Variants in FAM168B observed in about 807,000 individuals in gnomAD.
FAM168B encodes the protein family with sequence similarity 168 member B, also known as myelin-associated neurite-outgrowth inhibitor.
A neutral mutation model predicts 21.8 loss-of-function variants in FAM168B; 19 were observed. That is an observed-to-expected ratio of 0.87 (90% CI 0.61 to 1.28). The LOEUF is 1.28. FAM168B is among the 50% of genes most tolerant of loss of function. FAM168B has a pLI of 0.00. For synonymous variants in FAM168B, 126 were observed against 104.8 expected, an observed-to-expected ratio of 1.20 and a Z score of -1.24; for missense variants, 233 against 263.1, an observed-to-expected ratio of 0.89 and a Z score of 0.79.
chr2:131,077,720 T>C (rs1341360496), intron 2 of FAM168B, among the ~76,000 whole-genome samples: 1 of 152,186 alleles, frequency 6.6e-6, no homozygotes, highest in Non-Finnish European at 1.5e-5. Context: ...TTTGGTGATC[T>C]TGAAGGGCTG....
chr2:131,055,541 A>G lies in FAM168B; in HGVS notation c.297+12T>C. The G allele has an allele frequency of 6.2e-7, 1 of 1,602,134 alleles. No homozygotes were observed. Among genetic ancestry groups the G allele is most frequent in the Non-Finnish European group, 8.5e-7 (1 of 1,175,388 alleles). ...CACCCCTTCCCACACAGCAGTGTGT[A>G]CCCAAGCATACCTGTGCATACGGGC... On this transcript the variant is annotated intron_variant, in intron 4 of 6. Coordinates refer to ENST00000389915, the MANE Select transcript of FAM168B (RefSeq NM_001009993.4).
At chr2:131,066,839 C>G (rs1326159358) in intron 3 of FAM168B, among the ~76,000 whole-genome samples, 1 of 152,206 alleles carries the variant, frequency 6.6e-6, no homozygotes, top group Non-Finnish European at 1.5e-5. Flanking sequence ...CAAAAATGGA[C>G]AGCCCAGTTG....
At chr2:131,083,874 G>GTATT (rs10550552) in intron 1 of FAM168B, among the ~76,000 whole-genome samples, 5,383 of 148,104 alleles carry the variant, frequency 0.036, 117 homozygotes, top group Middle Eastern at 0.076. Context: ...GCAATTTCCT[G>GTATT]TATTTATTTA....
At position 131,067,876 on chromosome 2, in the gene FAM168B, A is replaced by G. The variant is rs78217511; in HGVS notation, c.154+3979T>C. 7.9e-3 allele frequency among the ~76,000 whole-genome samples: 1,209 copies of G among 152,296 alleles called. 12 individuals carry two copies. The highest frequency in any genetic ancestry group is 0.013 in the Non-Finnish European group (883 of 68,018). ...AGAAAAAGGGAAAGGCTCACTGAAAAGGGAGTTATAAAATTCAAAACATGA... is the reference window on the plus strand; with the variant it reads ...AGAAAAAGGGAAAGGCTCACTGAAAGGGGAGTTATAAAATTCAAAACATGA... On this transcript the variant is annotated intron_variant, in intron 3 of 6. Coordinates refer to ENST00000389915, the MANE Select transcript of FAM168B (RefSeq NM_001009993.4).
intron 3 of FAM168B, among the ~76,000 whole-genome samples, chr2:131,065,072 T>A (rs1692487567): frequency 6.6e-6 from 1 of 151,982 alleles, no homozygotes; most frequent in South Asian, 2.1e-4. Context: ...GCCACAATAA[T>A]AGAACTGTGA....
Position 131,049,976 on chromosome 2 carries a change from A to G in FAM168B, c.*2489T>C, listed in dbSNP as rs1211414240. 2 of 985,408 alleles carry G rather than the reference A, an allele frequency of 2.0e-6. No individual in the cohort carries two copies. Among genetic ancestry groups the G allele is most frequent in the African/African-American group, 1.7e-5 (1 of 57,262 alleles). 61.0% of individuals were successfully genotyped at this position (985,408 alleles called of 1,614,324 possible). A position where few individuals can be genotyped will look rare whatever the true frequency, so the allele number is the denominator to read the frequency against. On this transcript the variant is annotated 3_prime_UTR_variant, in exon 7 of 7. Coordinates refer to ENST00000389915, the MANE Select transcript of FAM168B (RefSeq NM_001009993.4). ...CTGATATCTACCTTTCGTATCTGAC[A>G]GCTGACGTCCTAAAAATTTCAAAGT...
intron 1 of FAM168B, among the ~76,000 whole-genome samples, chr2:131,090,923 G>A (rs1693985522): frequency 6.6e-6 from 1 of 152,034 alleles, no homozygotes; most frequent in Admixed American, 6.6e-5. Context: ...GTAGAGATGG[G>A]GTTTCACCAT....
rs576798353 is a variant in FAM168B, at chr2:131,091,276, T to A, written c.-12+1938A>T. 1.4e-4 allele frequency among the ~76,000 whole-genome samples: 21 copies of A among 150,998 alleles called. No homozygotes were observed. In the East Asian group the frequency reaches 3.9e-3, roughly 28 times the overall value. ...ATCACTTGAACCCGGGAGGAGGAGG[T>A]TGCAGTGAGCCGAGATCACTCCACT... On this transcript the variant is annotated intron_variant, in intron 1 of 6. Coordinates refer to ENST00000389915, the MANE Select transcript of FAM168B (RefSeq NM_001009993.4).
chr2:131,055,152 T>C (rs1691939751), intron 5 of FAM168B, 120 bp downstream of exon 5: 3 of 997,032 alleles, frequency 3.0e-6, no homozygotes, highest in South Asian at 5.6e-5. Flanking sequence ...GAATTTTCTG[T>C]CCTTCCACAC....
intron 1 of FAM168B, among the ~76,000 whole-genome samples, chr2:131,091,778 G>C (rs998328111): frequency 6.6e-6 from 1 of 151,960 alleles, no homozygotes; most frequent in African/African-American, 2.4e-5. Context: ...AGACTTAACA[G>C]ACTGGACACA....
At chr2:131,069,494 CTT>C (rs906511579) in intron 3 of FAM168B, among the ~76,000 whole-genome samples, 2 of 151,820 alleles carry the variant, frequency 1.3e-5, no homozygotes, top group Non-Finnish European at 2.9e-5. Flanking sequence ...GTTTCTTTCT[CTT>C]TTGTTTTTTT....
In FAM168B at chr2:131,051,604, T is replaced by C. The variant is rs1691680552; in HGVS notation, c.*861A>G. The C allele has an allele frequency of 4.1e-6, 4 of 985,298 alleles. No individual in the cohort carries two copies. Among genetic ancestry groups the C allele is most frequent in the African/African-American group, 1.7e-5 (1 of 57,322 alleles). The allele number at this position is 985,298 out of a possible 1,614,324, so 61.0% of individuals were successfully genotyped here. On this transcript the variant is annotated 3_prime_UTR_variant, in exon 7 of 7. Coordinates refer to ENST00000389915, the MANE Select transcript of FAM168B (RefSeq NM_001009993.4). Reference sequence around the variant, plus strand: ...CCCAGGAAAATAATTTAGTTTTACATAGGACTTTTCCAATAAAGACATATA... The same window carrying C: ...CCCAGGAAAATAATTTAGTTTTACACAGGACTTTTCCAATAAAGACATATA...
At chr2:131,059,658 GT>G (rs1438836579) in intron 3 of FAM168B, among the ~76,000 whole-genome samples, 2 of 152,140 alleles carry the variant, frequency 1.3e-5, no homozygotes, top group Admixed American at 6.5e-5. Flanking sequence ...AGACTTCAAA[GT>G]TGGGAATCTC....
Position 131,049,732 on chromosome 2 carries a change from A to G in FAM168B, c.*2733T>C. On this transcript the variant is annotated 3_prime_UTR_variant, in exon 7 of 7. Coordinates refer to ENST00000389915, the MANE Select transcript of FAM168B (RefSeq NM_001009993.4). ...TGTCTCAACTTCTAAAAGAATAGTA[A>G]TTCAGCTGAAGGACTCCCAAATTAG... 1.0e-6 allele frequency: 1 copy of G among 985,890 alleles called. No homozygotes were observed. The highest frequency in any genetic ancestry group is 1.2e-6 in the Non-Finnish European group (1 of 829,946). 61.1% of individuals were successfully genotyped at this position (985,890 alleles called of 1,614,324 possible).
intron 3 of FAM168B, among the ~76,000 whole-genome samples, chr2:131,058,564 G>C (rs1048306046): frequency 6.6e-6 from 1 of 152,180 alleles, no homozygotes; most frequent in Non-Finnish European, 1.5e-5. Context: ...AGGGCTCCCT[G>C]TATTTTGAAA....
At chr2:131,091,453 CT>C (rs1281560163) in intron 1 of FAM168B, among the ~76,000 whole-genome samples, 1 of 151,942 alleles carries the variant, frequency 6.6e-6, no homozygotes, top group Non-Finnish European at 1.5e-5. Context: ...CAAGACCAGA[CT>C]GGGCAACATG....
intron 1 of FAM168B, among the ~76,000 whole-genome samples, chr2:131,083,536 G>A (rs1301105144): frequency 6.6e-6 from 1 of 152,138 alleles, no homozygotes; most frequent in Non-Finnish European, 1.5e-5. Context: ...GCGAGACTTT[G>A]TCGCAAAAAA....
rs1213754054 is a variant in FAM168B, at chr2:131,052,464, AAGAC to A, written c.*13-16_*13-13del. On this transcript the variant is annotated splice_polypyrimidine_tract_variant and intron_variant, in intron 6 of 6. Transcript: ENST00000389915. ...CTCCGTCCTCAAACCTGCAGAAAGGAAGACAGACACTCAGTCACACAGAGCTCTT... is the reference window on the plus strand; with the variant it reads ...CTCCGTCCTCAAACCTGCAGAAAGGAAGACACTCAGTCACACAGAGCTCTT... 2.3e-5 allele frequency: 23 copies of A among 998,668 alleles called. No individual in the cohort carries two copies. The highest frequency in any genetic ancestry group is 2.4e-5 in the Non-Finnish European group (20 of 837,424). The allele number at this position is 998,668 out of a possible 1,614,324, so 61.9% of individuals were successfully genotyped here. A position where few individuals can be genotyped will look rare whatever the true frequency, so the allele number is the denominator to read the frequency against.
chr2:131,089,847 C>T (rs6761552), intron 1 of FAM168B, among the ~76,000 whole-genome samples: 2,205 of 151,666 alleles, frequency 0.015, 56 homozygotes, highest in African/African-American at 0.05. Flanking sequence ...GCCTGGCCAA[C>T]ATGGTGAAAC....
Sources: allele counts gnomAD v4.1 joint callset (sites outside exome capture counted in the v4.1 genomes callset), GRCh38; gene constraint gnomAD v4.1.1; transcripts MANE v1.5; gene names NCBI Gene and HGNC (gene_info 2026-07-23, HGNC 2026-07-21).